The following NME8 variants were observed in gnomAD, a reference collection of about 807,000 sequenced individuals.
NME8 encodes the protein NME/NM23 family member 8.
In NME8, 72 loss-of-function variants were observed where a neutral mutation model predicts 82.3. The ratio of observed to expected loss-of-function variants is 0.87; its 90% CI spans 0.72 to 1.06. The LOEUF is 1.06. Among genes scored for constraint, NME8 ranks in the 50% least tolerant of loss-of-function variants. The pLI is 0.00. For synonymous variants in NME8, 267 were observed against 228.5 expected (o/e 1.17, Z -1.52); for missense variants, 712 against 685.4 (o/e 1.04, Z -0.43).
intron 12 of NME8, among the ~76,000 whole-genome samples, chr7:37,879,530 C>T (rs1784910794): frequency 6.6e-6 from 1 of 152,126 alleles, no homozygotes; most frequent in African/African-American, 2.4e-5. Context: ...CTTGATTGTT[C>T]ATTTCTTTTT....
chr7:37,859,504 A>G (rs2131945093), intron 6 of NME8, among the ~76,000 whole-genome samples: 1 of 152,308 alleles, frequency 6.6e-6, no homozygotes, highest in East Asian at 1.9e-4. Context: ...ACAGCCCAGA[A>G]GTGATAACTG....
chr7:37,858,430 C>A (rs3807170), intron 6 of NME8, among the ~76,000 whole-genome samples: 2 of 152,110 alleles, frequency 1.3e-5, no homozygotes, highest in African/African-American at 4.8e-5. Context: ...TAGAATTCAA[C>A]GATTTAGGTG....
chr7:37,849,601 A>G (rs1784408755), intron 2 of NME8, among the ~76,000 whole-genome samples: 1 of 152,166 alleles, frequency 6.6e-6, no homozygotes, highest in Non-Finnish European at 1.5e-5. Flanking sequence ...GCAGTTAGAA[A>G]GAATGAATAC....
intron 11 of NME8, among the ~76,000 whole-genome samples, chr7:37,871,586 A>G (rs1326626583): frequency 6.6e-6 from 1 of 152,132 alleles, no homozygotes; most frequent in Non-Finnish European, 1.5e-5. Context: ...AGTATTTATT[A>G]AAGACCTACT....
At chr7:37,875,420 C>CA (rs1562835285) in intron 11 of NME8, among the ~76,000 whole-genome samples, 4 of 150,412 alleles carry the variant, frequency 2.7e-5, no homozygotes, top group African/African-American at 7.3e-5. Flanking sequence ...ACACACACAC[C>CA]CACACAGCCC....
At chr7:37,856,081 A>G (rs892101676) in intron 5 of NME8, among the ~76,000 whole-genome samples, 1 of 152,208 alleles carries the variant, frequency 6.6e-6, no homozygotes, top group African/African-American at 2.4e-5. Flanking sequence ...GCTTTTTAGC[A>G]GCACTTGCAA....
At position 37,867,818 on chromosome 7, in the gene NME8, C is replaced by T. The variant is rs201321298; in HGVS notation, c.738C>T (p.Thr246=). The change falls in exon 11 of 18, where the codon ACC becomes ACT. Residue 246 remains threonine (T), a synonymous_variant. Transcript: ENST00000199447. ...AAGAAACCGAACCACAGACTGACACCGAACCTAACGAACGATCTGAGGATC... is the reference window on the plus strand; with the variant it reads ...AAGAAACCGAACCACAGACTGACACTGAACCTAACGAACGATCTGAGGATC... ...PSEETEPQTD[T]EPNERSEDQP... The T allele has an allele frequency of 4.0e-5, 65 of 1,613,852 alleles. No homozygotes were observed. The Middle Eastern group carries it at 5.0e-4, about 12-fold the overall frequency.
At chr7:37,856,280 G>A (rs1003977700) in intron 5 of NME8, among the ~76,000 whole-genome samples, 2 of 152,178 alleles carry the variant, frequency 1.3e-5, no homozygotes, top group African/African-American at 4.8e-5. Flanking sequence ...GATATTTGGA[G>A]ATGGAGACTT....
At chr7:37,868,349 C>A (rs1397828712) in intron 11 of NME8, among the ~76,000 whole-genome samples, 2 of 152,128 alleles carry the variant, frequency 1.3e-5, no homozygotes, top group African/African-American at 4.8e-5. Flanking sequence ...ATGTTGGTGC[C>A]TTGATGTCAG....
At chr7:37,881,859 T>C (rs1403217769) in intron 12 of NME8, among the ~76,000 whole-genome samples, 1 of 152,224 alleles carries the variant, frequency 6.6e-6, no homozygotes, top group African/African-American at 2.4e-5. Context: ...TCATATTACC[T>C]AGCTCTCATT....
At chr7:37,857,413 T>C (rs969969364) in intron 6 of NME8, 68 bp downstream of exon 6, 7 of 1,002,052 alleles carry the variant, frequency 7.0e-6, no homozygotes, top group Non-Finnish European at 1.1e-5. Flanking sequence ...AGTAACATTG[T>C]AAAATTACCA....
At chr7:37,856,477 C>T (rs1784513012) in intron 5 of NME8, among the ~76,000 whole-genome samples, 1 of 152,082 alleles carries the variant, frequency 6.6e-6, no homozygotes. Context: ...GTTCAGCCAC[C>T]CAGTCAATAG....
chr7:37,898,821 T>C (rs1785270261), intron 17 of NME8, among the ~76,000 whole-genome samples: 1 of 152,166 alleles, frequency 6.6e-6, no homozygotes, highest in Non-Finnish European at 1.5e-5. Context: ...ATGTCATTAA[T>C]AACATTGATT....
rs146004225 is a variant in NME8, at chr7:37,876,928, C to T, written c.915C>T (p.Pro305=). 9.4e-5 allele frequency: 152 copies of T among 1,612,410 alleles called. No individual in the cohort carries two copies. The highest frequency in any genetic ancestry group is 1.3e-4 in the South Asian group (12 of 91,020). Residue 305 remains proline, a synonymous_variant, in exon 12 of 18, where the codon CCC becomes CCT. Transcript: ENST00000199447. ...NVAKFMDAFF[P]DFKKMKSMKL... The stretch of plus-strand genomic sequence containing the variant: ...CTAAGTTCATGGATGCTTTCTTCCC[C>T]GATTTTAAAAAAATGAAAAGCATGA...
intron 14 of NME8, 107 bp downstream of exon 14, chr7:37,885,359 A>C: frequency 6.4e-5 from 49 of 770,398 alleles, no homozygotes; most frequent in Non-Finnish European, 8.7e-5. Flanking sequence ...GGAGCTTCTC[A>C]GGAAAGCTAC....
chr7:37,884,337 CA>C lies in NME8; in HGVS notation c.1033del (p.Ile345TyrfsTer7). 6.3e-7 allele frequency: 1 copy of C among 1,596,716 alleles called. No homozygotes were observed. Among genetic ancestry groups the C allele is most frequent in the East Asian group, 2.2e-5 (1 of 44,734 alleles). On this transcript the variant is annotated frameshift_variant, in exon 13 of 18. Transcript: ENST00000199447. LOFTEE classifies it high-confidence loss of function. ...VLRIIKDEDF[K>X]ILEQRQVVLS... ...TGCGTATTATTAAAGATGAAGACTT[CA>C]AAATACTGGAGCAAAGACAAGTAGT...
intron 15 of NME8, 150 bp from the exon 16 acceptor site, chr7:37,894,316 T>A: frequency 3.8e-6 from 3 of 793,400 alleles, no homozygotes; most frequent in Non-Finnish European, 6.3e-6. Context: ...ATTTGGTGCT[T>A]TGGAATTTTA....
At chr7:37,879,038 C>T (rs1784902813) in intron 12 of NME8, among the ~76,000 whole-genome samples, 1 of 152,120 alleles carries the variant, frequency 6.6e-6, no homozygotes, top group Non-Finnish European at 1.5e-5. Context: ...TTTCTCTCTC[C>T]TAACCCCTGG....
chr7:37,878,044 T>G (rs1235029370), intron 12 of NME8, among the ~76,000 whole-genome samples: 1 of 152,210 alleles, frequency 6.6e-6, no homozygotes, highest in Non-Finnish European at 1.5e-5. Context: ...GGAGACATCT[T>G]TGCCTTGTAC....
Sources: gnomAD v4.1 joint callset for allele counts (sites outside exome capture counted in the v4.1 genomes callset) on GRCh38, gnomAD v4.1.1 for gene constraint, MANE v1.5 for transcripts, NCBI Gene and HGNC (gene_info 2026-07-23, HGNC 2026-07-21) for gene names.